The following NPAS2 variants were observed in gnomAD, a reference collection of about 807,000 sequenced individuals.
The protein encoded by NPAS2 is neuronal PAS domain-containing protein 2.
NPAS2 carries 23 observed loss-of-function variants against 107.5 expected under a neutral mutation model. That is an observed-to-expected ratio of 0.21 (90% CI 0.15 to 0.30). The LOEUF (loss-of-function observed/expected upper bound fraction) is 0.30. NPAS2 is among the 10% of genes least tolerant of loss of function. NPAS2 has a pLI of 1.00. For synonymous variants in NPAS2, 403 were observed against 417.5 expected, an observed-to-expected ratio of 0.97 and a Z score of 0.42; for missense variants, 756 against 1,043.3, an observed-to-expected ratio of 0.72 and a Z score of 3.79.
chr2:100,951,090 A>G (rs949860173), intron 7 of NPAS2, among the ~76,000 whole-genome samples: 2 of 152,138 alleles, frequency 1.3e-5, no homozygotes, highest in Non-Finnish European at 2.9e-5. Flanking sequence ...ATGGGAGGGT[A>G]GGACCCAGGA....
intron 1 of NPAS2, chr2:100,846,932 T>A (rs535888534): frequency 6.6e-6 from 1 of 152,242 alleles, no homozygotes; most frequent in East Asian, 1.9e-4. Flanking sequence ...AAAGCCTGCA[T>A]TGACCCTAGA....
At chr2:100,887,788 G>T (rs1215299595) in intron 1 of NPAS2, among the ~76,000 whole-genome samples, 2 of 151,950 alleles carry the variant, frequency 1.3e-5, no homozygotes, top group Non-Finnish European at 2.9e-5. Flanking sequence ...GGCTGGGTCT[G>T]GGATCAGCCG....
At chr2:100,832,083 T>A (rs969871085) in intron 1 of NPAS2, among the ~76,000 whole-genome samples, 1 of 152,130 alleles carries the variant, frequency 6.6e-6, no homozygotes. Flanking sequence ...GTGTGTGTGA[T>A]TCTCATGACC....
At chr2:100,933,563 C>T (rs1390440594) in intron 4 of NPAS2, among the ~76,000 whole-genome samples, 1 of 152,162 alleles carries the variant, frequency 6.6e-6, no homozygotes, top group Non-Finnish European at 1.5e-5. Context: ...TCATGTTCCT[C>T]CCTCTGGGTC....
At chr2:100,988,541 C>T in intron 17 of NPAS2, 1 of 472,246 alleles carries the variant, frequency 2.1e-6, no homozygotes, top group South Asian at 2.5e-5. Flanking sequence ...TATCACTCGG[C>T]TGAAATGTTC....
intron 4 of NPAS2, among the ~76,000 whole-genome samples, chr2:100,937,538 G>C (rs963361479): frequency 6.6e-6 from 1 of 152,208 alleles, no homozygotes; most frequent in African/African-American, 2.4e-5. Flanking sequence ...CACTGATCCT[G>C]TAGTGCTTTT....
At chr2:100,849,055 G>A (rs567435311) in intron 1 of NPAS2, among the ~76,000 whole-genome samples, 3 of 152,276 alleles carry the variant, frequency 2.0e-5, no homozygotes, top group Non-Finnish European at 4.4e-5. Context: ...TTAAATCTAC[G>A]TGTAACCCAA....
rs11888297 is a variant in NPAS2, at chr2:100,830,853, C to T, written c.-23+10439C>T. 4.2e-4 allele frequency among the ~76,000 whole-genome samples: 64 copies of T among 152,194 alleles called. No homozygotes were observed. The South Asian group carries it at 4.4e-3, about 10-fold the overall frequency. On this transcript the variant is annotated intron_variant, in intron 1 of 20. Coordinates refer to ENST00000335681, the MANE Select transcript of NPAS2 (RefSeq NM_002518.4). ...CAGCATCATACGTCCACATAGGTCA[C>T]GGGACAAACAGTGCTGATCACTGCC...
chr2:100,962,265 G>A (rs921400172), intron 7 of NPAS2, among the ~76,000 whole-genome samples: 1 of 152,222 alleles, frequency 6.6e-6, no homozygotes, highest in Non-Finnish European at 1.5e-5. Context: ...ATTCATGTTA[G>A]TGGAGAGAAG....
At chr2:100,852,268 G>A (rs1205248887) in intron 1 of NPAS2, among the ~76,000 whole-genome samples, 1 of 152,022 alleles carries the variant, frequency 6.6e-6, no homozygotes, top group East Asian at 1.9e-4. Flanking sequence ...GTGGTGGTGG[G>A]TGCCTGTAGT....
Position 100,894,794 on chromosome 2 carries a change from G to A in NPAS2, c.-22-9939G>A, listed in dbSNP as rs182693005. 2.0e-5 allele frequency among the ~76,000 whole-genome samples: 3 copies of A among 152,294 alleles called. No homozygotes were observed. The East Asian group carries it at 5.8e-4, about 29-fold the overall frequency. ...GCAGAGCATTGGGCAGTGGATGCTG[G>A]GTGCTGATCACAAGCGACAGCAAGA... is the stretch of plus-strand genomic sequence containing the variant. On this transcript the variant is annotated intron_variant, in intron 1 of 20. Coordinates refer to ENST00000335681, the MANE Select transcript of NPAS2 (RefSeq NM_002518.4).
At chr2:100,946,971 T>G (rs999496025) in intron 5 of NPAS2, among the ~76,000 whole-genome samples, 9 of 152,064 alleles carry the variant, frequency 5.9e-5, no homozygotes, top group African/African-American at 2.2e-4. Flanking sequence ...GGGTTGGAGA[T>G]GATATGGGTG....
chr2:100,989,547 T>C (rs1241674139), intron 17 of NPAS2: 1 of 152,258 alleles, frequency 6.6e-6, no homozygotes, highest in Non-Finnish European at 1.5e-5. Flanking sequence ...ATGAGAGCAC[T>C]GTGTTATCGG....
rs367640291 is a variant in NPAS2 at position 100,974,919 on chromosome 2, G to A, written c.1257G>A (p.Ser419=). ...SASSRSSHKS[S]HTAMSEPTST... ...CCTCAAGAAGTTCCCACAAATCCTC[G>A]CACACAGCCATGTCAGAACCCACCT... Residue 419 remains serine, a synonymous_variant, in exon 13 of 21, where the codon TCG becomes TCA. Transcript: ENST00000335681. The A allele has an allele frequency of 8.8e-5, 142 of 1,613,816 alleles. No homozygotes were observed. Among genetic ancestry groups the A allele is most frequent in the East Asian group, 4.5e-5 (2 of 44,880 alleles).
intron 7 of NPAS2, among the ~76,000 whole-genome samples, chr2:100,954,428 G>A (rs960475102): frequency 6.6e-6 from 1 of 152,154 alleles, no homozygotes; most frequent in African/African-American, 2.4e-5. Flanking sequence ...AATTTGGGAG[G>A]CAGAGGCGGG....
intron 5 of NPAS2, among the ~76,000 whole-genome samples, chr2:100,938,543 CTCCCTCCCTCCCTCCT>C: frequency 1.3e-5 from 2 of 148,164 alleles, no homozygotes; most frequent in Non-Finnish European, 3.0e-5. Context: ...TTATTCCCTC[CTCCCTCCCTCCCTCCT>C]TCCCTCCCTC....
chr2:100,921,027 C>G (rs1302570205), intron 2 of NPAS2, among the ~76,000 whole-genome samples: 1 of 152,230 alleles, frequency 6.6e-6, no homozygotes, highest in Non-Finnish European at 1.5e-5. Flanking sequence ...GCACGGTGTG[C>G]TTAGTTTTTG....
At chr2:100,823,015 G>A (rs1012777533) in intron 1 of NPAS2, among the ~76,000 whole-genome samples, 4 of 152,148 alleles carry the variant, frequency 2.6e-5, no homozygotes, top group Admixed American at 6.5e-5. Context: ...GGAGGTCAGG[G>A]ACTGTCACAT....
At chr2:100,861,670 G>A (rs948795398) in intron 1 of NPAS2, among the ~76,000 whole-genome samples, 16 of 152,296 alleles carry the variant, frequency 1.1e-4, no homozygotes, top group African/African-American at 3.8e-4. Flanking sequence ...CACACACCTG[G>A]GGGCCTCTTC....
Sources: gnomAD v4.1 joint callset for allele counts (sites outside exome capture counted in the v4.1 genomes callset) on GRCh38, gnomAD v4.1.1 for gene constraint, MANE v1.5 for transcripts, NCBI Gene and HGNC (gene_info 2026-07-23, HGNC 2026-07-21) for gene names.